The following BAALC variants were observed in gnomAD, a reference collection of about 807,000 sequenced individuals.
BAALC encodes BAALC binder of MAP3K1 and KLF4.
Under a neutral mutation model 15.5 loss-of-function variants are expected in BAALC, and 9 were observed. That is an observed-to-expected ratio of 0.58 (90% CI 0.35 to 1.02). The LOEUF is 1.02. Ranked by LOEUF, BAALC falls within the 50% of genes least tolerant of loss-of-function variation. BAALC has a pLI of 0.02. For synonymous variants in BAALC, 80 were observed against 74.6 expected (o/e 1.07, Z -0.37); for missense variants, 201 against 192.4 (o/e 1.04, Z -0.27).
chr8:103,168,398 A>G (rs1045549477), intron 1 of BAALC, among the ~76,000 whole-genome samples: 4 of 152,164 alleles, frequency 2.6e-5, no homozygotes, highest in African/African-American at 9.7e-5. Context: ...ACTCGGTTAG[A>G]TCAGTGTTCT....
intron 1 of BAALC, chr8:103,191,474 GGGAAACAAAGAAAT>G (rs1294178684): frequency 1.1e-4 from 17 of 152,024 alleles, no homozygotes; most frequent in Admixed American, 8.5e-4. Flanking sequence ...TATTTTGAAT[GGGAAACAAAGAAAT>G]GGAAACAAAG....
chr8:103,225,336 T>C (rs1052083862), intron 2 of BAALC, among the ~76,000 whole-genome samples: 1 of 152,218 alleles, frequency 6.6e-6, no homozygotes, highest in Admixed American at 6.5e-5. Context: ...AATAAATAGA[T>C]AAGACTAAAA....
At chr8:103,200,614 C>A in intron 1 of BAALC, 4 of 631,288 alleles carry the variant, frequency 6.3e-6, no homozygotes, top group Middle Eastern at 3.5e-4. Context: ...ACTGAAATAC[C>A]TATACTGGAT....
intron 1 of BAALC, chr8:103,208,413 G>A (rs1409907953): frequency 6.6e-6 from 1 of 152,212 alleles, no homozygotes. Flanking sequence ...CAGCGCTTAG[G>A]CTTAGCAAAG....
chr8:103,141,244 AG>A, intron 1 of BAALC, 187 bp downstream of exon 1: 1 of 622,154 alleles, frequency 1.6e-6, no homozygotes, highest in Non-Finnish European at 2.5e-6. Context: ...GGTCGACCAG[AG>A]CCCCTTACCG....
intron 1 of BAALC, among the ~76,000 whole-genome samples, chr8:103,170,138 T>C (rs1285989773): frequency 6.6e-6 from 1 of 152,208 alleles, no homozygotes; most frequent in Admixed American, 6.5e-5. Context: ...CTCTAAAAGT[T>C]CCCTTATGTT....
At chr8:103,183,138 T>G (rs1319583246) in intron 1 of BAALC, among the ~76,000 whole-genome samples, 1 of 152,198 alleles carries the variant, frequency 6.6e-6, no homozygotes, top group African/African-American at 2.4e-5. Context: ...GGGGAAGTGC[T>G]GCTGGGGAGC....
chr8:103,188,594 G>A (rs1811897919), intron 1 of BAALC, among the ~76,000 whole-genome samples: 1 of 152,226 alleles, frequency 6.6e-6, no homozygotes. Flanking sequence ...TCAGAATGCA[G>A]GGTGTGTGGA....
intron 1 of BAALC, chr8:103,165,502 T>A (rs993741166): frequency 6.6e-6 from 1 of 152,160 alleles, no homozygotes; most frequent in Admixed American, 6.6e-5. Flanking sequence ...GGAAGAAGCT[T>A]GGAGCTGAAA....
At chr8:103,182,827 T>C (rs1811756234) in intron 1 of BAALC, among the ~76,000 whole-genome samples, 1 of 152,158 alleles carries the variant, frequency 6.6e-6, no homozygotes, top group Non-Finnish European at 1.5e-5. Context: ...GTTATCTCCA[T>C]AGCAAGAAAC....
intron 2 of BAALC, among the ~76,000 whole-genome samples, chr8:103,217,089 C>T (rs1463866795): frequency 6.6e-6 from 1 of 152,166 alleles, no homozygotes; most frequent in Non-Finnish European, 1.5e-5. Flanking sequence ...AACGCAGCAC[C>T]CCTGGGCAGA....
In BAALC at chr8:103,230,253, TACC is replaced by T. The variant is rs1812900412; in HGVS notation, c.*2157_*2159del. On this transcript the variant is annotated 3_prime_UTR_variant, in exon 3 of 3. Coordinates refer to ENST00000309982, the MANE Select transcript of BAALC (RefSeq NM_024812.3). ...ACTAATCCTTACTATCCTATTAGGA[TACC>T]ACTTTTCATTGCAAAGTTTGTGTCA... 6.6e-6 allele frequency: 1 copy of T among 152,226 alleles called. No homozygotes were observed. The highest frequency in any genetic ancestry group is 2.4e-5 in the African/African-American group (1 of 41,454). The allele number at this position is 152,226 out of a possible 1,614,324, so 9.4% of individuals were successfully genotyped here.
intron 1 of BAALC, among the ~76,000 whole-genome samples, chr8:103,204,494 A>G (rs1812286169): frequency 6.6e-6 from 1 of 152,210 alleles, no homozygotes; most frequent in Non-Finnish European, 1.5e-5. Flanking sequence ...ACAATTGGAT[A>G]ATCCAAGGTC....
chr8:103,189,803 ACAGAGGTGTTTGGAC>A (rs1811925699), intron 1 of BAALC, among the ~76,000 whole-genome samples: 1 of 152,232 alleles, frequency 6.6e-6, no homozygotes, highest in Admixed American at 6.5e-5. Context: ...TGCAAGCCAG[ACAGAGGTGTTTGGAC>A]CAGATGCAGT....
chr8:103,227,991 T>G lies in BAALC; in HGVS notation c.330T>G (p.Ala110=). The G allele has an allele frequency of 1.2e-6, 2 of 1,609,022 alleles. No individual in the cohort carries two copies. Among genetic ancestry groups the G allele is most frequent in the Non-Finnish European group, 1.7e-6 (2 of 1,175,792 alleles). Residue 110 remains alanine (A), a splice_region_variant and synonymous_variant, in exon 3 of 3, where the codon GCT becomes GCG. Coordinates refer to ENST00000309982, the MANE Select transcript of BAALC (RefSeq NM_024812.3). ...ATTCACTGTTTTCAACTTAACAGGC[T>G]AAAAGAGATGCTAAGAGAATGCCTG... The part of the protein sequence containing the change: ...QKQNGLQTTE[A]KRDAKRMPAK...
intron 1 of BAALC, among the ~76,000 whole-genome samples, chr8:103,177,187 TG>T (rs1285056055): frequency 3.7e-5 from 4 of 108,402 alleles, no homozygotes; most frequent in African/African-American, 1.4e-4. Context: ...TTGTTGTTGT[TG>T]TTTTGTTTTT....
intron 1 of BAALC, among the ~76,000 whole-genome samples, chr8:103,195,468 T>C (rs557206562): frequency 6.6e-6 from 1 of 152,198 alleles, no homozygotes; most frequent in Non-Finnish European, 1.5e-5. Context: ...CTCAACATAC[T>C]GTCCTCAAGT....
chr8:103,165,884 A>G (rs1811334933), intron 1 of BAALC: 1 of 152,198 alleles, frequency 6.6e-6, no homozygotes, highest in Non-Finnish European at 1.5e-5. Flanking sequence ...GTGCACACTG[A>G]ATTCTGTAAT....
chr8:103,184,716 A>G (rs1811795172), intron 1 of BAALC, among the ~76,000 whole-genome samples: 1 of 152,232 alleles, frequency 6.6e-6, no homozygotes, highest in African/African-American at 2.4e-5. Context: ...GTAAAAAGTC[A>G]TCTTCTGAAC....
Sources: gnomAD v4.1 joint callset for allele counts (sites outside exome capture counted in the v4.1 genomes callset) on GRCh38, gnomAD v4.1.1 for gene constraint, MANE v1.5 for transcripts, NCBI Gene and HGNC (gene_info 2026-07-23, HGNC 2026-07-21) for gene names.